The following ZBTB20 variants were observed in gnomAD, a reference collection of about 807,000 sequenced individuals.
The protein encoded by ZBTB20 is zinc finger and BTB domain-containing protein 20.
A neutral mutation model predicts 56.9 loss-of-function variants in ZBTB20; 9 were observed. The observed-to-expected ratio is 0.16, with a 90% CI of 0.10 to 0.28. The LOEUF is 0.28. Among genes scored for constraint, ZBTB20 ranks in the 10% least tolerant of loss-of-function variants. The probability of loss-of-function intolerance (pLI) is 1.00; values close to 1 mark genes in which losing one functional copy is unlikely to be tolerated. For synonymous variants in ZBTB20, 417 were observed against 420.7 expected (o/e 0.99, Z 0.11); for missense variants, 655 against 1,003.0 (o/e 0.65, Z 4.69).
rs939169034 is a variant in ZBTB20 at position 114,695,865 on chromosome 3, A to G, written c.-342-2290T>C. On this transcript the variant is annotated intron_variant, in intron 5 of 11. Coordinates refer to ENST00000675478, the MANE Select transcript of ZBTB20 (RefSeq NM_001348800.3). The stretch of plus-strand genomic sequence containing the variant: ...TAATACATGTAGAGGAACCCTTAGA[A>G]AAATGCATGTGGGAATATGATATCC... 1.3e-5 allele frequency among the ~76,000 whole-genome samples: 2 copies of G among 152,190 alleles called. 1 individual carries two copies. Among genetic ancestry groups the G allele is most frequent in the South Asian group, 4.1e-4 (2 of 4,830 alleles).
At chr3:114,731,922 G>A (rs748398010) in intron 5 of ZBTB20, among the ~76,000 whole-genome samples, 16 of 149,370 alleles carry the variant, frequency 1.1e-4, no homozygotes, top group African/African-American at 2.2e-4. Context: ...TTACTAATCC[G>A]GCTGTGCCTA....
chr3:114,749,327 G>T (rs1047993603), intron 5 of ZBTB20, among the ~76,000 whole-genome samples: 3 of 152,158 alleles, frequency 2.0e-5, no homozygotes, highest in African/African-American at 7.2e-5. Context: ...GCCAAGGTGG[G>T]CGGATCACAA....
intron 4 of ZBTB20, among the ~76,000 whole-genome samples, chr3:114,858,036 T>C (rs2075330705): frequency 6.6e-6 from 1 of 152,226 alleles, no homozygotes; most frequent in East Asian, 1.9e-4. Context: ...AATGTTGTGC[T>C]ACATAAGTGA....
In ZBTB20 at chr3:114,380,345, G is replaced by C; in HGVS notation, c.71C>G (p.Pro24Arg). 6 of 1,537,138 alleles carry C rather than the reference G, an allele frequency of 3.9e-6. No individual in the cohort carries two copies. The highest frequency in any genetic ancestry group is 5.2e-6 in the Non-Finnish European group (6 of 1,146,862). The change falls in exon 10 of 12, where the codon CCG becomes CGG. Residue 24 changes from proline (P) to arginine (R), a missense_variant. Coordinates refer to ENST00000675478, the MANE Select transcript of ZBTB20 (RefSeq NM_001348800.3). ...KASEENEITQ[P>R]GGSSAKPGLP... is the part of the protein sequence containing the mutation. ...GCCCGGCTTGGCGCTGGATCCACCC[G>C]GCTGAGTAATCTCATTCTCCTCAGA...
At chr3:114,468,585 C>T (rs1278628655) in intron 7 of ZBTB20, among the ~76,000 whole-genome samples, 3 of 152,062 alleles carry the variant, frequency 2.0e-5, no homozygotes, top group Non-Finnish European at 4.4e-5. Context: ...ACATGGTATT[C>T]TATTCTAAGG....
At chr3:115,092,743 T>C (rs2083243478) in intron 1 of ZBTB20, among the ~76,000 whole-genome samples, 1 of 152,042 alleles carries the variant, frequency 6.6e-6, no homozygotes, top group South Asian at 2.1e-4. Flanking sequence ...AAATCACCCA[T>C]AGGCAATTAA....
At position 115,108,050 on chromosome 3, in the gene ZBTB20, C is replaced by G. The variant is rs980839483; in HGVS notation, c.-702-36636G>C. The stretch of plus-strand genomic sequence containing the variant: ...TAGCTAATGCATGTGGGGCTTAAAA[C>G]CTAGATGACGGGTTGATAGATGCAG... On this transcript the variant is annotated intron_variant, in intron 1 of 11. Coordinates refer to ENST00000675478, the MANE Select transcript of ZBTB20 (RefSeq NM_001348800.3). Among the ~76,000 whole-genome samples, 70 of 151,954 alleles carry G rather than the reference C, an allele frequency of 4.6e-4. 1 individual carries two copies. The highest frequency in any genetic ancestry group is 1.6e-3 in the African/African-American group (67 of 41,424).
chr3:115,090,351 A>G (rs1037980546), intron 1 of ZBTB20, among the ~76,000 whole-genome samples: 17 of 151,892 alleles, frequency 1.1e-4, no homozygotes, highest in Non-Finnish European at 1.5e-5. Context: ...GATAATATTG[A>G]AAAGAATTTT....
At chr3:114,363,905 A>C (rs1428264652) in intron 10 of ZBTB20, among the ~76,000 whole-genome samples, 1 of 152,168 alleles carries the variant, frequency 6.6e-6, no homozygotes, top group Non-Finnish European at 1.5e-5. Flanking sequence ...ATTTATACTT[A>C]TATACATCGC....
At position 114,383,828 on chromosome 3, in the gene ZBTB20, G is replaced by A. The variant is rs548260391; in HGVS notation, c.-153-2888C>T. 1.5e-4 allele frequency among the ~76,000 whole-genome samples: 23 copies of A among 152,304 alleles called. No homozygotes were observed. In the East Asian group the frequency reaches 4.4e-3, roughly 29 times the overall value. On this transcript the variant is annotated intron_variant, in intron 8 of 11. Transcript: ENST00000675478. ...ATTTTTGCAGTTCATAGTTTATTAAGGAGGAAAGAATAAGCCCTGTCATAA... is the reference window on the plus strand; with the variant it reads ...ATTTTTGCAGTTCATAGTTTATTAAAGAGGAAAGAATAAGCCCTGTCATAA...
At chr3:114,999,446 A>G (rs1229362262) in intron 2 of ZBTB20, among the ~76,000 whole-genome samples, 2 of 151,782 alleles carry the variant, frequency 1.3e-5, no homozygotes, top group Non-Finnish European at 2.9e-5. Flanking sequence ...AATTTGTGCT[A>G]TATAAAACTT....
intron 7 of ZBTB20, among the ~76,000 whole-genome samples, chr3:114,391,276 C>T (rs1030235223): frequency 2.6e-5 from 4 of 152,180 alleles, no homozygotes; most frequent in African/African-American, 9.7e-5. Flanking sequence ...TAAATTCAAA[C>T]TTCTCAGTTT....
intron 3 of ZBTB20, among the ~76,000 whole-genome samples, chr3:114,931,783 A>C (rs527241082): frequency 3.9e-5 from 6 of 152,198 alleles, no homozygotes; most frequent in African/African-American, 1.4e-4. Context: ...GAGATTTTTA[A>C]GCACTTCACT....
intron 3 of ZBTB20, among the ~76,000 whole-genome samples, chr3:114,953,095 G>T (rs569444901): frequency 2.0e-5 from 3 of 151,936 alleles, no homozygotes; most frequent in African/African-American, 7.2e-5. Context: ...GAGAGTAAAA[G>T]GACTTATATG....
intron 6 of ZBTB20, among the ~76,000 whole-genome samples, chr3:114,684,298 C>T (rs536961024): frequency 4.6e-5 from 7 of 152,210 alleles, no homozygotes; most frequent in African/African-American, 9.6e-5. Flanking sequence ...AAAATGCTGA[C>T]GCATTTTTGC....
At chr3:114,373,939 T>C (rs1441793386) in intron 10 of ZBTB20, among the ~76,000 whole-genome samples, 1 of 152,098 alleles carries the variant, frequency 6.6e-6, no homozygotes, top group Admixed American at 6.5e-5. Context: ...AAAATAGAGG[T>C]AGATTAAGAT....
At chr3:114,973,580 T>C (rs993032697) in intron 3 of ZBTB20, among the ~76,000 whole-genome samples, 1 of 152,186 alleles carries the variant, frequency 6.6e-6, no homozygotes, top group East Asian at 1.9e-4. Context: ...GTTTGAGGTG[T>C]GCACTGGTGT....
chr3:115,034,925 T>G (rs911684822), intron 2 of ZBTB20, among the ~76,000 whole-genome samples: 1 of 152,068 alleles, frequency 6.6e-6, no homozygotes, highest in Non-Finnish European at 1.5e-5. Context: ...TGTGGTTAAA[T>G]GATCCTTGAA....
intron 6 of ZBTB20, among the ~76,000 whole-genome samples, chr3:114,690,769 A>G (rs1259438218): frequency 6.6e-6 from 1 of 152,136 alleles, no homozygotes; most frequent in Non-Finnish European, 1.5e-5. Context: ...ATGTCTGCCA[A>G]TAATCTTAAT....
Sources: gnomAD v4.1 joint callset for allele counts (sites outside exome capture counted in the v4.1 genomes callset) on GRCh38, gnomAD v4.1.1 for gene constraint, MANE v1.5 for transcripts, NCBI Gene and HGNC (gene_info 2026-07-23, HGNC 2026-07-21) for gene names.